THSD4: variants seen among roughly 807,000 people sequenced by gnomAD.
The protein encoded by THSD4 is thrombospondin type-1 domain-containing protein 4.
In THSD4, 69 loss-of-function variants were observed where a neutral mutation model predicts 119.0. The observed-to-expected ratio is 0.58, with a 90% CI of 0.48 to 0.71. THSD4 has a LOEUF of 0.71. THSD4 is among the 30% of genes least tolerant of loss of function. The probability of loss-of-function intolerance (pLI) is 0.00; values close to 1 mark genes in which losing one functional copy is unlikely to be tolerated. For missense variants in THSD4, 1,393 were observed against 1,391.1 expected, an observed-to-expected ratio of 1.00 and a Z score of -0.02; for synonymous variants, 524 against 540.4, an observed-to-expected ratio of 0.97 and a Z score of 0.42.
At chr15:71,454,328 T>C (rs1016321344) in intron 7 of THSD4, among the ~76,000 whole-genome samples, 3 of 152,244 alleles carry the variant, frequency 2.0e-5, no homozygotes, top group Admixed American at 2.0e-4. Flanking sequence ...TTTTTTCTTT[T>C]TAAAGGTAAT....
chr15:71,322,847 C>T (rs1247689117), intron 6 of THSD4, among the ~76,000 whole-genome samples: 1 of 152,112 alleles, frequency 6.6e-6, no homozygotes, highest in Non-Finnish European at 1.5e-5. Context: ...CCTGTAATCC[C>T]AGCACCTAAA....
At chr15:71,623,642 G>T (rs767144820) in intron 7 of THSD4, among the ~76,000 whole-genome samples, 1 of 152,174 alleles carries the variant, frequency 6.6e-6, no homozygotes, top group Non-Finnish European at 1.5e-5. Flanking sequence ...CAGAGAATCG[G>T]CCGGAAGCAG....
intron 4 of THSD4, among the ~76,000 whole-genome samples, chr15:71,217,932 A>G (rs1055685695): frequency 5.1e-4 from 78 of 152,032 alleles, no homozygotes; most frequent in African/African-American, 1.8e-3. Context: ...GACTGCAGGC[A>G]TGTACCACCA....
intron 8 of THSD4, among the ~76,000 whole-genome samples, chr15:71,673,418 A>G (rs1309259755): frequency 5.3e-5 from 8 of 151,960 alleles, no homozygotes; most frequent in Non-Finnish European, 1.2e-4. Flanking sequence ...TAACAATTTT[A>G]TCAGTCTTTT....
chr15:71,761,321 A>G (rs974083534), intron 15 of THSD4, among the ~76,000 whole-genome samples: 1 of 152,174 alleles, frequency 6.6e-6, no homozygotes. Context: ...CAGTGACCAC[A>G]TCCTCTCCTA....
At chr15:71,300,797 A>G (rs1490064693) in intron 6 of THSD4, among the ~76,000 whole-genome samples, 1 of 152,220 alleles carries the variant, frequency 6.6e-6, no homozygotes, top group African/African-American at 2.4e-5. Flanking sequence ...AAGCAAGATA[A>G]ATAAATGCAT....
intron 7 of THSD4, among the ~76,000 whole-genome samples, chr15:71,615,276 C>T (rs2050301429): frequency 6.6e-6 from 1 of 151,932 alleles, no homozygotes; most frequent in Non-Finnish European, 1.5e-5. Flanking sequence ...AAACAGGGTC[C>T]CCTGGTCAGA....
chr15:71,438,562 C>CT (rs2047046802), intron 7 of THSD4, among the ~76,000 whole-genome samples: 1 of 152,134 alleles, frequency 6.6e-6, no homozygotes, highest in African/African-American at 2.4e-5. Context: ...TTCAATTTTA[C>CT]TTTTTTTCAG....
intron 3 of THSD4, among the ~76,000 whole-genome samples, chr15:71,158,652 GT>G (rs368806299): frequency 9.1e-4 from 130 of 142,810 alleles, no homozygotes; most frequent in Admixed American, 1.7e-3. Flanking sequence ...TGTTGAGTTG[GT>G]TTTTTTTTTT....
rs57292672 is a variant in THSD4 at position 71,624,998 on chromosome 15, T to TTTTG, written c.1153-35507_1153-35504dup. ...CAGTGAAGAGCTTGTTTTGTTGTTG[T>TTTTG]TTTGTTTGTTTGTTTGTTTGTTTGT... is the stretch of plus-strand genomic sequence containing the variant. On this transcript the variant is annotated intron_variant, in intron 7 of 17. Coordinates refer to ENST00000261862, the MANE Select transcript of THSD4 (RefSeq NM_024817.3). Among the ~76,000 whole-genome samples, 541 of 151,054 alleles carry TTTTG rather than the reference T, an allele frequency of 3.6e-3. 3 individuals are homozygous for TTTTG. Among genetic ancestry groups the TTTTG allele is most frequent in the South Asian group, 8.4e-3 (40 of 4,756 alleles).
chr15:71,760,306 G>T (rs537581825), intron 15 of THSD4, among the ~76,000 whole-genome samples: 4 of 152,192 alleles, frequency 2.6e-5, no homozygotes, highest in Admixed American at 6.5e-5. Flanking sequence ...ACTGAGGCTT[G>T]TGCAAAAAGC....
At chr15:71,482,981 T>C (rs1051964547) in intron 7 of THSD4, among the ~76,000 whole-genome samples, 2 of 152,098 alleles carry the variant, frequency 1.3e-5, no homozygotes, top group Admixed American at 6.5e-5. Context: ...GCCAGAACCA[T>C]TGCCATGCCC....
At chr15:71,344,974 T>TG (rs2045635055) in intron 6 of THSD4, among the ~76,000 whole-genome samples, 1 of 151,876 alleles carries the variant, frequency 6.6e-6, no homozygotes, top group South Asian at 2.1e-4. Flanking sequence ...TGAGTGGTCA[T>TG]GTGGGAGATG....
At chr15:71,171,926 G>T (rs553154907) in intron 3 of THSD4, among the ~76,000 whole-genome samples, 1 of 152,108 alleles carries the variant, frequency 6.6e-6, no homozygotes, top group East Asian at 1.9e-4. Flanking sequence ...ATGGTATCAC[G>T]TTACTTGAAG....
At chr15:71,405,808 C>A (rs138232169) in intron 6 of THSD4, among the ~76,000 whole-genome samples, 1 of 152,044 alleles carries the variant, frequency 6.6e-6, no homozygotes, top group Non-Finnish European at 1.5e-5. Context: ...TTTAGATCTT[C>A]CTTAATTTAT....
chr15:71,256,836 AGT>A, intron 6 of THSD4, 121 bp downstream of exon 6: 1 of 842,696 alleles, frequency 1.2e-6, no homozygotes, highest in Non-Finnish European at 1.9e-6. Context: ...TAGGGGAGAA[AGT>A]GTGACTCCAG....
chr15:71,128,056 C>T (rs1176455130), intron 1 of THSD4, among the ~76,000 whole-genome samples: 2 of 151,962 alleles, frequency 1.3e-5, no homozygotes, highest in East Asian at 3.9e-4. Context: ...AGTCTTTAAT[C>T]CCAAATGGAA....
rs189124437 is a variant in THSD4, at chr15:71,292,960, G to A, written c.1015+36245G>A. On this transcript the variant is annotated intron_variant, in intron 6 of 17. Transcript: ENST00000261862. ...CAAAGTGCTGGGATTACGGGCATGAGCCACCGCACCTGGCCAAATATAACA... is the reference window on the plus strand; with the variant it reads ...CAAAGTGCTGGGATTACGGGCATGAACCACCGCACCTGGCCAAATATAACA... Among the ~76,000 whole-genome samples, 279 of 152,310 alleles carry A rather than the reference G, an allele frequency of 1.8e-3. 1 individual carries two copies. Among genetic ancestry groups the A allele is most frequent in the Middle Eastern group, 3.4e-3 (1 of 294 alleles).
intron 7 of THSD4, among the ~76,000 whole-genome samples, chr15:71,435,330 C>T (rs183424937): frequency 1.6e-3 from 240 of 152,262 alleles, no homozygotes; most frequent in African/African-American, 5.3e-3. Context: ...AGACAGTTTA[C>T]ATGTACAAAG....
Sources: allele counts gnomAD v4.1 joint callset (sites outside exome capture counted in the v4.1 genomes callset), GRCh38; gene constraint gnomAD v4.1.1; transcripts MANE v1.5; gene names NCBI Gene and HGNC (gene_info 2026-07-23, HGNC 2026-07-21).